The following PRDM5 variants were observed in gnomAD, a reference collection of about 807,000 sequenced individuals.
PRDM5 encodes the protein PR domain zinc finger protein 5.
A neutral mutation model predicts 81.2 loss-of-function variants in PRDM5; 56 were observed. The observed-to-expected ratio is 0.69, with a 90% CI of 0.56 to 0.86. PRDM5 has a LOEUF of 0.86. Ranked by LOEUF, PRDM5 falls within the 40% of genes least tolerant of loss-of-function variation. The pLI is 0.00. For missense variants in PRDM5, 697 were observed against 770.1 expected (o/e 0.91, Z 1.12); for synonymous variants, 267 against 256.4 (o/e 1.04, Z -0.39).
chr4:120,773,506 TCC>T (rs1747600014), intron 13 of PRDM5, among the ~76,000 whole-genome samples: 1 of 152,182 alleles, frequency 6.6e-6, no homozygotes, highest in Non-Finnish European at 1.5e-5. Flanking sequence ...GCCAATATTT[TCC>T]AAGTTACCTG....
intron 3 of PRDM5, among the ~76,000 whole-genome samples, chr4:120,849,161 T>C (rs1435667091): frequency 1.3e-5 from 2 of 152,194 alleles, no homozygotes; most frequent in Non-Finnish European, 2.9e-5. Context: ...TCAACATTAT[T>C]TGTTACTCCT....
rs11945238 is a variant in PRDM5, at chr4:120,775,595, T to C, written c.1537+1593A>G. Reference sequence around the variant, plus strand: ...CCAAACATAACACAATTACATCATGTCTTGGGGCATTACCATAAACTGACT... The same window carrying C: ...CCAAACATAACACAATTACATCATGCCTTGGGGCATTACCATAAACTGACT... On this transcript the variant is annotated intron_variant, in intron 13 of 15. Transcript: ENST00000264808. 3.1e-3 allele frequency among the ~76,000 whole-genome samples: 466 copies of C among 152,258 alleles called. 3 individuals carry two copies. Among genetic ancestry groups the C allele is most frequent in the African/African-American group, 0.011 (459 of 41,552 alleles).
At chr4:120,759,776 A>G (rs1185358917) in intron 13 of PRDM5, among the ~76,000 whole-genome samples, 1 of 152,228 alleles carries the variant, frequency 6.6e-6, no homozygotes, top group African/African-American at 2.4e-5. Context: ...ATATTTAGAC[A>G]CTATCTTTAT....
At chr4:120,777,423 C>A in intron 12 of PRDM5, 142 bp from the exon 13 acceptor site, 1 of 1,444,558 alleles carries the variant, frequency 6.9e-7, no homozygotes, top group East Asian at 2.5e-5. Flanking sequence ...AGATTTTAAA[C>A]AATTTATGAT....
chr4:120,888,226 T>G (rs1466306260), intron 2 of PRDM5, among the ~76,000 whole-genome samples: 2 of 152,234 alleles, frequency 1.3e-5, no homozygotes, highest in Non-Finnish European at 2.9e-5. Flanking sequence ...CACAGCCATA[T>G]AGCTATCACA....
chr4:120,857,414 A>G (rs764040336), intron 2 of PRDM5, among the ~76,000 whole-genome samples: 2 of 152,164 alleles, frequency 1.3e-5, no homozygotes, highest in Admixed American at 6.6e-5. Context: ...TGAAAATGAA[A>G]ACTTTTATGC....
chr4:120,776,931 G>A lies in PRDM5; in HGVS notation c.1537+257C>T, dbSNP rs980168736. ...TTCCATCCATTAGAATCATATAGATGTTAATCACAGTTATATCACAACCAA... is the reference window on the plus strand; with the variant it reads ...TTCCATCCATTAGAATCATATAGATATTAATCACAGTTATATCACAACCAA... On this transcript the variant is annotated intron_variant, in intron 13 of 15. Coordinates refer to ENST00000264808, the MANE Select transcript of PRDM5 (RefSeq NM_018699.4). Among the ~76,000 whole-genome samples the A allele has an allele frequency of 3.1e-4, 47 of 152,240 alleles. 1 individual carries two copies. Among genetic ancestry groups the A allele is most frequent in the African/African-American group, 1.1e-3 (45 of 41,574 alleles).
At chr4:120,785,802 A>G (rs1749696205) in intron 10 of PRDM5, among the ~76,000 whole-genome samples, 1 of 152,118 alleles carries the variant, frequency 6.6e-6, no homozygotes, top group African/African-American at 2.4e-5. Flanking sequence ...AACAGCATAG[A>G]TTTCCCAAAC....
downstream of PRDM5, among the ~76,000 whole-genome samples, chr4:120,690,934 G>A (rs1406420998): frequency 6.6e-6 from 1 of 152,038 alleles, no homozygotes; most frequent in African/African-American, 2.4e-5. Flanking sequence ...CATGTAGTAT[G>A]CTAAGGTGGC....
chr4:120,828,321 TG>T (rs1756289275), intron 3 of PRDM5, among the ~76,000 whole-genome samples: 1 of 152,094 alleles, frequency 6.6e-6, no homozygotes, highest in Non-Finnish European at 1.5e-5. Context: ...CATCAAGGTC[TG>T]TCTCCAATAG....
chr4:120,728,965 T>A (rs1329281642), intron 14 of PRDM5, among the ~76,000 whole-genome samples: 9 of 152,142 alleles, frequency 5.9e-5, no homozygotes, highest in Admixed American at 5.9e-4. Context: ...AGTAGCACAA[T>A]TAAATATTCC....
intron 13 of PRDM5, among the ~76,000 whole-genome samples, chr4:120,764,059 T>A (rs1408484970): frequency 6.6e-6 from 1 of 151,866 alleles, no homozygotes; most frequent in African/African-American, 2.4e-5. Flanking sequence ...AAAGCACAAA[T>A]TAGGGGAAAT....
At chr4:120,910,874 A>G (rs555294221) in intron 1 of PRDM5, among the ~76,000 whole-genome samples, 1 of 152,304 alleles carries the variant, frequency 6.6e-6, no homozygotes, top group South Asian at 2.1e-4. Flanking sequence ...TGACTTCCTG[A>G]TATCATTGGT....
chr4:120,827,510 G>A (rs946939314), intron 3 of PRDM5, among the ~76,000 whole-genome samples: 24 of 152,090 alleles, frequency 1.6e-4, no homozygotes, highest in Non-Finnish European at 7.4e-5. Context: ...AAGTTTAGAA[G>A]AGTAGTCATA....
intron 15 of PRDM5, among the ~76,000 whole-genome samples, chr4:120,707,850 A>G (rs1578427170): frequency 6.6e-6 from 1 of 152,290 alleles, no homozygotes; most frequent in Non-Finnish European, 1.5e-5. Context: ...AAATGGGCAA[A>G]GGACTTGAAG....
intron 2 of PRDM5, among the ~76,000 whole-genome samples, chr4:120,858,811 G>A (rs1255439125): frequency 6.6e-6 from 1 of 152,114 alleles, no homozygotes; most frequent in African/African-American, 2.4e-5. Context: ...TAAAAGTACT[G>A]ATGAGAAAAA....
At chr4:120,921,238 T>G (rs1215104263) in intron 1 of PRDM5, among the ~76,000 whole-genome samples, 1 of 152,242 alleles carries the variant, frequency 6.6e-6, no homozygotes, top group Non-Finnish European at 1.5e-5. Flanking sequence ...ACAGACGTCA[T>G]TTGGTGATGG....
At chr4:120,744,507 G>A (rs1578560016) in intron 14 of PRDM5, among the ~76,000 whole-genome samples, 1 of 151,620 alleles carries the variant, frequency 6.6e-6, no homozygotes, top group Admixed American at 6.6e-5. Flanking sequence ...TTTTTTGAAA[G>A]GATCAACAAA....
At chr4:120,707,321 GAA>G (rs71597092) in intron 15 of PRDM5, among the ~76,000 whole-genome samples, 3 of 146,646 alleles carry the variant, frequency 2.0e-5, no homozygotes, top group Non-Finnish European at 4.5e-5. Flanking sequence ...AGAACAAAGG[GAA>G]AAAAAAAACA....
Sources: allele counts gnomAD v4.1 joint callset (sites outside exome capture counted in the v4.1 genomes callset), GRCh38; gene constraint gnomAD v4.1.1; transcripts MANE v1.5; gene names NCBI Gene and HGNC (gene_info 2026-07-23, HGNC 2026-07-21).